Variants in RAD50 observed in about 807,000 individuals in gnomAD.
RAD50 encodes DNA repair protein RAD50.
Under a neutral mutation model 168.8 loss-of-function variants are expected in RAD50, and 132 were observed. That is an observed-to-expected ratio of 0.78 (90% CI 0.68 to 0.90). The LOEUF (loss-of-function observed/expected upper bound fraction) is 0.90, where lower values mean the gene tolerates loss of function less well. Among genes scored for constraint, RAD50 ranks in the 40% least tolerant of loss-of-function variants. The probability of loss-of-function intolerance (pLI) is 0.00; values close to 1 mark genes in which losing one functional copy is unlikely to be tolerated. For synonymous variants in RAD50, 525 were observed against 497.4 expected, an observed-to-expected ratio of 1.06 and a Z score of -0.74; for missense variants, 1,347 against 1,534.4, an observed-to-expected ratio of 0.88 and a Z score of 2.04.
At chr5:132,601,962 C>T (rs1317866644) in intron 13 of RAD50, among the ~76,000 whole-genome samples, 1 of 151,986 alleles carries the variant, frequency 6.6e-6, no homozygotes, top group East Asian at 1.9e-4. Flanking sequence ...GAACATCACA[C>T]ACACTGGGGC....
In RAD50 at chr5:132,619,865, TATAA is replaced by T. The variant is rs1423688910; in HGVS notation, c.3389+1573_3389+1576del. Among the ~76,000 whole-genome samples the T allele has an allele frequency of 7.0e-4, 90 of 128,544 alleles. No individual in the cohort carries two copies. In the East Asian group the frequency reaches 8.3e-3, roughly 12 times the overall value. 84.3% of individuals were successfully genotyped at this position (128,544 alleles called of 152,430 possible). A position where few individuals can be genotyped will look rare whatever the true frequency, so the allele number is the denominator to read the frequency against. ...ATATATATATATAAAGATATATATA[TATAA>T]AGATATATATATATATAGAGAGAGA... On this transcript the variant is annotated intron_variant, in intron 21 of 24. Coordinates refer to ENST00000378823, the MANE Select transcript of RAD50 (RefSeq NM_005732.4).
intron 10 of RAD50, among the ~76,000 whole-genome samples, chr5:132,591,648 A>G (rs972287831): frequency 2.0e-5 from 3 of 152,172 alleles, no homozygotes; most frequent in Admixed American, 1.3e-4. Context: ...AACTTTTAAC[A>G]TACACAAATT....
chr5:132,557,437 A>G lies in RAD50; in HGVS notation c.113A>G (p.Asn38Ser), dbSNP rs750480943. ...FSPLTILVGP[N>S]GAGKTTIIEC... ...CCCCTTACAATTTTGGTTGGACCCA[A>G]TGGGGCGGGAAAGACGGTAAGTCTT... Residue 38 changes from asparagine to serine, a missense_variant, in exon 1 of 25, where the codon AAT becomes AGT. By Grantham distance (46) the Asn-to-Ser change is conservative. Coordinates refer to ENST00000378823, the MANE Select transcript of RAD50 (RefSeq NM_005732.4). 2.0e-5 allele frequency: 32 copies of G among 1,614,106 alleles called. No homozygotes were observed. The highest frequency in any genetic ancestry group is 2.5e-5 in the Non-Finnish European group (29 of 1,180,024).
intron 9 of RAD50, 85 bp from the exon 10 acceptor site, chr5:132,591,139 A>T (rs1290388145): frequency 7.6e-7 from 1 of 1,315,356 alleles, no homozygotes; most frequent in African/African-American, 1.5e-5. Context: ...TCTGAGGAGT[A>T]GTTAATTTCT....
chr5:132,638,627 A>T (rs764776993), intron 23 of RAD50, among the ~76,000 whole-genome samples: 13 of 152,248 alleles, frequency 8.5e-5, no homozygotes, highest in Non-Finnish European at 1.6e-4. Flanking sequence ...ATGACATAAT[A>T]GTATTGCAAA....
chr5:132,595,315 C>T (rs1416032472), intron 12 of RAD50: 2 of 536,480 alleles, frequency 3.7e-6, no homozygotes, highest in South Asian at 5.3e-5. Context: ...AGAACAGTGC[C>T]TGGCACATAG....
At chr5:132,596,922 G>A (rs1741530367) in intron 13 of RAD50, among the ~76,000 whole-genome samples, 1 of 152,158 alleles carries the variant, frequency 6.6e-6, no homozygotes, top group African/African-American at 2.4e-5. Context: ...AGAACACGGT[G>A]CAAAGGGAAG....
chr5:132,568,963 CAAA>C (rs1329073978), intron 2 of RAD50, among the ~76,000 whole-genome samples: 1 of 152,112 alleles, frequency 6.6e-6, no homozygotes, highest in Non-Finnish European at 1.5e-5. Context: ...GTTTGTTGCT[CAAA>C]AAACTTAACT....
At chr5:132,596,350 G>A (rs533137475) in intron 13 of RAD50, among the ~76,000 whole-genome samples, 2 of 152,264 alleles carry the variant, frequency 1.3e-5, no homozygotes, top group East Asian at 1.9e-4. Context: ...TCTTTTGTAT[G>A]TGTGTTTAAT....
Position 132,591,314 on chromosome 5 carries a change from G to A in RAD50, c.1543G>A (p.Asp515Asn), listed in dbSNP as rs1554098409. The A allele has an allele frequency of 6.2e-7, 1 of 1,613,542 alleles. No homozygotes were observed. The highest frequency in any genetic ancestry group is 8.5e-7 in the Non-Finnish European group (1 of 1,179,510). Residue 515 changes from aspartate to asparagine, a missense_variant, in exon 10 of 25, where the codon GAC becomes AAC. Transcript: ENST00000378823. The part of the protein sequence containing the change: ...ISLQNEKADL[D>N]RTLRKLDQEM... ...TCTCCAAAATGAAAAAGCAGACTTA[G>A]ACAGGACCCTGCGTAAACTTGACCA... is the stretch of plus-strand genomic sequence containing the variant.
At chr5:132,566,670 C>G (rs1385638316) in intron 2 of RAD50, among the ~76,000 whole-genome samples, 1 of 152,240 alleles carries the variant, frequency 6.6e-6, no homozygotes, top group Non-Finnish European at 1.5e-5. Context: ...AAATGCATAT[C>G]TACTTCATGC....
chr5:132,579,500 A>T lies in RAD50; in HGVS notation c.549A>T (p.Thr183=), dbSNP rs786201299. Reference sequence around the variant, plus strand: ...AGTTTGATGAGATTTTTTCAGCAACAAGGTTTGTAACCCTTAAATAGACTT... The same window carrying T: ...AGTTTGATGAGATTTTTTCAGCAACTAGGTTTGTAACCCTTAAATAGACTT... ...KQKFDEIFSA[T]RYIKALETLR... Residue 183 remains threonine (T), a splice_region_variant and synonymous_variant, in exon 4 of 25, where the codon ACA becomes ACT. Transcript: ENST00000378823. 6.2e-7 allele frequency: 1 copy of T among 1,611,066 alleles called. No homozygotes were observed. Among genetic ancestry groups the T allele is most frequent in the Non-Finnish European group, 8.5e-7 (1 of 1,177,794 alleles).
chr5:132,598,631 G>A (rs1312376985), intron 13 of RAD50, among the ~76,000 whole-genome samples: 2 of 152,178 alleles, frequency 1.3e-5, no homozygotes, highest in Non-Finnish European at 2.9e-5. Context: ...GGATGTTCTT[G>A]ATGGCTCACA....
rs569141379 is a variant in RAD50 at position 132,615,016 on chromosome 5, C to T, written c.3037-987C>T. ...TCCCATGTCACTGAGTTTAGCTTAG[C>T]TGCAAGGGCTATTGCAGGAGGGTCC... On this transcript the variant is annotated intron_variant, in intron 19 of 24. Transcript: ENST00000378823. Among the ~76,000 whole-genome samples, 768 of 152,268 alleles carry T rather than the reference C, an allele frequency of 5.0e-3. 10 individuals carry two copies. Among genetic ancestry groups the T allele is most frequent in the African/African-American group, 0.013 (549 of 41,558 alleles).
Position 132,646,186 on chromosome 5 carries a change from C to T in RAD50, c.*3822C>T, listed in dbSNP as rs1751846552. ...TCATAGGATATAGGCAGGGCACTGACCACTCCTACAACCACCATCTATACA... is the reference window on the plus strand; with the variant it reads ...TCATAGGATATAGGCAGGGCACTGATCACTCCTACAACCACCATCTATACA... On this transcript the variant is annotated 3_prime_UTR_variant, in exon 25 of 25. Transcript: ENST00000378823. 6.6e-6 allele frequency: 1 copy of T among 151,528 alleles called. No individual in the cohort carries two copies. Among genetic ancestry groups the T allele is most frequent in the African/African-American group, 2.4e-5 (1 of 41,130 alleles). The allele number at this position is 151,528 out of a possible 1,614,324, so 9.4% of individuals were successfully genotyped here.
intron 10 of RAD50, 68 bp from the exon 11 acceptor site, chr5:132,591,804 GAATTT>G: frequency 4.4e-6 from 5 of 1,137,082 alleles, no homozygotes; most frequent in Non-Finnish European, 6.4e-6. Context: ...AGTCAGTCTA[GAATTT>G]ATTTTTGTTC....
intron 3 of RAD50, 59 bp downstream of exon 3, chr5:132,575,987 T>G: frequency 2.7e-6 from 4 of 1,464,586 alleles, no homozygotes; most frequent in Middle Eastern, 2.0e-4. Flanking sequence ...GGTCTGTAAG[T>G]TGATGGTTGT....
intron 6 of RAD50, 67 bp from the exon 7 acceptor site, chr5:132,587,857 G>T: frequency 6.4e-7 from 1 of 1,563,742 alleles, no homozygotes; most frequent in Non-Finnish European, 8.8e-7. Flanking sequence ...GTTTATATTT[G>T]ATACCTCAAA....
chr5:132,613,681 G>A (rs1751127331), intron 19 of RAD50, among the ~76,000 whole-genome samples: 1 of 144,074 alleles, frequency 6.9e-6, no homozygotes, highest in African/African-American at 2.6e-5. Flanking sequence ...TCGGCTCACT[G>A]CAACATTCGC....
Sources: allele counts gnomAD v4.1 joint callset (sites outside exome capture counted in the v4.1 genomes callset), GRCh38; gene constraint gnomAD v4.1.1; transcripts MANE v1.5; gene names NCBI Gene and HGNC (gene_info 2026-07-23, HGNC 2026-07-21).